MAN1A2: variants seen among roughly 807,000 people sequenced by gnomAD.
The protein encoded by MAN1A2 is mannosidase alpha class 1A member 2.
A neutral mutation model predicts 75.7 loss-of-function variants in MAN1A2; 26 were observed. The observed-to-expected ratio is 0.34, with a 90% confidence interval of 0.25 to 0.48. The LOEUF (loss-of-function observed/expected upper bound fraction) is 0.48. Ranked by LOEUF, MAN1A2 falls within the 20% of genes least tolerant of loss-of-function variation. The probability of loss-of-function intolerance (pLI) is 0.99; values close to 1 mark genes in which losing one functional copy is unlikely to be tolerated. For missense variants in MAN1A2, 562 were observed against 775.5 expected (o/e 0.72, Z 3.27); for synonymous variants, 247 against 264.6 (o/e 0.93, Z 0.65).
At chr1:117,434,468 C>T (rs2101802363) in intron 5 of MAN1A2, among the ~76,000 whole-genome samples, 1 of 152,166 alleles carries the variant, frequency 6.6e-6, no homozygotes, top group East Asian at 1.9e-4. Flanking sequence ...AATACTCTGA[C>T]CCAGCGACCC....
chr1:117,430,886 C>T (rs28481800), intron 5 of MAN1A2, among the ~76,000 whole-genome samples: 8,946 of 122,738 alleles, frequency 0.073, 276 homozygotes, highest in Middle Eastern at 0.14. Flanking sequence ...TGTAGCGAGC[C>T]GAGATCACGC....
At chr1:117,414,638 C>CT (rs370966234) in intron 3 of MAN1A2, 75 bp from the exon 4 acceptor site, 90 of 728,808 alleles carry the variant, frequency 1.2e-4, no homozygotes, top group Non-Finnish European at 1.7e-4. Context: ...TGAAGGGAAT[C>CT]TTTTTTTTCC....
intron 5 of MAN1A2, among the ~76,000 whole-genome samples, chr1:117,423,679 T>C (rs765615941): frequency 2.0e-5 from 3 of 152,134 alleles, no homozygotes; most frequent in Non-Finnish European, 4.4e-5. Flanking sequence ...AAACCTTTAA[T>C]AAAGACTTAA....
In MAN1A2 at chr1:117,368,409, C is replaced by T; in HGVS notation, c.226C>T (p.Pro76Ser). Reference protein sequence around the residue: ...FDLGLEDVLIPHVDAGKGAKN... With the variant: ...FDLGLEDVLISHVDAGKGAKN... ...TTTGGGTTTAGAAGATGTGTTAATT[C>T]CACATGTAGATGCCGGTAAAGGGGC... is the stretch of plus-strand genomic sequence containing the variant. The change falls in exon 1 of 13, where the codon CCA becomes TCA. Residue 76 changes from proline (P) to serine (S), a missense_variant. Transcript: ENST00000356554. 1 of 1,614,056 alleles carries T rather than the reference C, an allele frequency of 6.2e-7. No individual in the cohort carries two copies. The highest frequency in any genetic ancestry group is 8.5e-7 in the Non-Finnish European group (1 of 1,179,966).
chr1:117,470,928 A>G (rs2101847505), intron 8 of MAN1A2, among the ~76,000 whole-genome samples: 1 of 152,044 alleles, frequency 6.6e-6, no homozygotes, highest in East Asian at 1.9e-4. Context: ...ATCACAGAAG[A>G]TAATTACTGG....
intron 12 of MAN1A2, among the ~76,000 whole-genome samples, chr1:117,504,314 G>GT (rs56375805): frequency 2.2e-3 from 298 of 137,976 alleles, no homozygotes; most frequent in Middle Eastern, 3.8e-3. Flanking sequence ...TATCTCTCCT[G>GT]TTTTTTTTTT....
rs1024665839 is a variant in MAN1A2, at chr1:117,446,309, C to T, written c.950+3984C>T. 1.7e-4 allele frequency among the ~76,000 whole-genome samples: 26 copies of T among 150,980 alleles called. 1 individual carries two copies. Among genetic ancestry groups the T allele is most frequent in the African/African-American group, 6.1e-4 (25 of 41,198 alleles). On this transcript the variant is annotated intron_variant, in intron 6 of 12. Transcript: ENST00000356554. ...TATTTTTATTATTTCCTTCTCTTTT[C>T]TTATTGGAGCTACTTTGCTCTTTTT...
chr1:117,396,990 T>C (rs1653924316), intron 1 of MAN1A2, among the ~76,000 whole-genome samples: 1 of 151,934 alleles, frequency 6.6e-6, no homozygotes, highest in Non-Finnish European at 1.5e-5. Context: ...TGGGCAGAGA[T>C]GGAACTAAAA....
At chr1:117,453,946 CCATCGT>C (rs1316607806) in intron 6 of MAN1A2, among the ~76,000 whole-genome samples, 1 of 152,164 alleles carries the variant, frequency 6.6e-6, no homozygotes, top group African/African-American at 2.4e-5. Flanking sequence ...CAGTCAGCAA[CCATCGT>C]CATCAAGGCA....
intron 5 of MAN1A2, among the ~76,000 whole-genome samples, chr1:117,435,155 G>T (rs1463710673): frequency 6.6e-6 from 1 of 152,088 alleles, no homozygotes; most frequent in African/African-American, 2.4e-5. Context: ...GGTGTTCAAT[G>T]GAGAAGTATT....
chr1:117,383,624 A>T (rs1002342793), intron 1 of MAN1A2, among the ~76,000 whole-genome samples: 1 of 152,110 alleles, frequency 6.6e-6, no homozygotes, highest in Admixed American at 6.6e-5. Flanking sequence ...TTCTTGATTC[A>T]GTCTCTTTAC....
chr1:117,461,341 C>G (rs1649813808), intron 7 of MAN1A2, among the ~76,000 whole-genome samples: 1 of 151,958 alleles, frequency 6.6e-6, no homozygotes, highest in Admixed American at 6.6e-5. Flanking sequence ...TATGTGGGAG[C>G]TAAAATAAAT....
intron 1 of MAN1A2, among the ~76,000 whole-genome samples, chr1:117,373,289 C>G (rs1017108445): frequency 6.6e-6 from 1 of 151,852 alleles, no homozygotes; most frequent in Non-Finnish European, 1.5e-5. Flanking sequence ...TTATTTGGGG[C>G]TTTCTGCTCC....
intron 10 of MAN1A2, among the ~76,000 whole-genome samples, chr1:117,497,596 A>T (rs946227685): frequency 3.9e-5 from 6 of 151,900 alleles, no homozygotes; most frequent in Non-Finnish European, 8.8e-5. Flanking sequence ...GGCTGAGAAA[A>T]TTTTTACTCT....
intron 5 of MAN1A2, among the ~76,000 whole-genome samples, chr1:117,421,858 T>C (rs1250758618): frequency 6.6e-6 from 1 of 152,002 alleles, no homozygotes; most frequent in African/African-American, 2.4e-5. Flanking sequence ...TCACATAAGG[T>C]GTTTTATAAA....
intron 8 of MAN1A2, among the ~76,000 whole-genome samples, chr1:117,467,854 CTT>C (rs1310865011): frequency 6.6e-6 from 1 of 151,864 alleles, no homozygotes; most frequent in Non-Finnish European, 1.5e-5. Flanking sequence ...CAGTTCCTGT[CTT>C]AGACTATATG....
intron 12 of MAN1A2, among the ~76,000 whole-genome samples, chr1:117,506,502 A>G (rs568063105): frequency 6.5e-4 from 98 of 151,702 alleles, no homozygotes; most frequent in African/African-American, 2.2e-3. Flanking sequence ...TCTAGCATAT[A>G]TACTGATGGC....
intron 1 of MAN1A2, among the ~76,000 whole-genome samples, chr1:117,391,198 A>C (rs149791745): frequency 1.1e-4 from 17 of 152,168 alleles, no homozygotes; most frequent in African/African-American, 4.1e-4. Context: ...AATTTCATTG[A>C]AACTTGTTTT....
intron 8 of MAN1A2, among the ~76,000 whole-genome samples, chr1:117,487,411 G>A (rs1385257574): frequency 6.6e-6 from 1 of 151,912 alleles, no homozygotes; most frequent in Non-Finnish European, 1.5e-5. Flanking sequence ...TGATAGGCTA[G>A]GATACAATAA....
Sources: allele counts gnomAD v4.1 joint callset (sites outside exome capture counted in the v4.1 genomes callset), GRCh38; gene constraint gnomAD v4.1.1; transcripts MANE v1.5; gene names NCBI Gene and HGNC (gene_info 2026-07-23, HGNC 2026-07-21).